The following TMEM217B variants were observed in gnomAD, a reference collection of about 807,000 sequenced individuals.
TMEM217B encodes the protein transmembrane protein 217B.
the TMEM217B span, chr6:37,215,362 G>A: frequency 1.3e-6 from 2 of 1,497,506 alleles, no homozygotes. Flanking sequence ...GGATCACGAG[G>A]TCAGGAGTTC....
At chr6:37,236,660 C>CT in the TMEM217B span, among the ~76,000 whole-genome samples, 1 of 32,186 alleles carries the variant, frequency 3.1e-5, no homozygotes, top group East Asian at 8.9e-4. Flanking sequence ...TGTGCCAGTA[C>CT]TATTTTTTTT....
At chr6:37,224,615 GA>G in the TMEM217B span, among the ~76,000 whole-genome samples, 2 of 149,450 alleles carry the variant, frequency 1.3e-5, no homozygotes, top group African/African-American at 2.5e-5. Flanking sequence ...ACAAACAAAC[GA>G]AAAAAAAACC....
the TMEM217B span, among the ~76,000 whole-genome samples, chr6:37,251,330 C>T: frequency 1.3e-5 from 2 of 152,186 alleles, no homozygotes; most frequent in Non-Finnish European, 2.9e-5. Flanking sequence ...TTTGTTATAG[C>T]AGCCTGAATG....
At chr6:37,231,288 T>C in the TMEM217B span, among the ~76,000 whole-genome samples, 1 of 147,032 alleles carries the variant, frequency 6.8e-6, no homozygotes, top group Non-Finnish European at 1.5e-5. Flanking sequence ...CAGGCTGGTC[T>C]TGAACTCCTG....
chr6:37,225,746 C>T, the TMEM217B span, among the ~76,000 whole-genome samples: 1 of 152,336 alleles, frequency 6.6e-6, no homozygotes, highest in East Asian at 1.9e-4. Flanking sequence ...ACATGGCCAC[C>T]CAGCTAATGA....
chr6:37,239,669 G>A, the TMEM217B span, among the ~76,000 whole-genome samples: 4 of 151,970 alleles, frequency 2.6e-5, no homozygotes, highest in African/African-American at 7.3e-5. Context: ...CTCTCATCAA[G>A]TTGACTTGTG....
chr6:37,257,717 C>T, the TMEM217B span: 3 of 565,166 alleles, frequency 5.3e-6, no homozygotes, highest in South Asian at 2.3e-5. Flanking sequence ...TTGGTCGGCC[C>T]GTCCACGGCT....
the TMEM217B span, among the ~76,000 whole-genome samples, chr6:37,242,179 C>T: frequency 6.6e-6 from 1 of 152,102 alleles, no homozygotes; most frequent in Non-Finnish European, 1.5e-5. Flanking sequence ...CTGCTCATAG[C>T]CCTGGAGACT....
chr6:37,246,396 T>C, the TMEM217B span, among the ~76,000 whole-genome samples: 1 of 152,168 alleles, frequency 6.6e-6, no homozygotes, highest in African/African-American at 2.4e-5. Flanking sequence ...AGTGCAGGCA[T>C]GGGAGTGGAA....
chr6:37,247,618 C>T, the TMEM217B span, among the ~76,000 whole-genome samples: 2 of 152,088 alleles, frequency 1.3e-5, no homozygotes, highest in African/African-American at 4.8e-5. Context: ...GATCTCCTGA[C>T]CTCGTGATTC....
the TMEM217B span, among the ~76,000 whole-genome samples, chr6:37,223,368 A>G: frequency 6.6e-6 from 1 of 152,234 alleles, no homozygotes; most frequent in Non-Finnish European, 1.5e-5. Context: ...AAAGCAGCCA[A>G]TGGGCTTTTT....
At chr6:37,246,842 G>A in the TMEM217B span, among the ~76,000 whole-genome samples, 5 of 151,826 alleles carry the variant, frequency 3.3e-5, no homozygotes, top group African/African-American at 7.3e-5. Flanking sequence ...GGTCAAGGCC[G>A]CAGTGAGCCA....
chr6:37,253,123 C>T, the TMEM217B span, among the ~76,000 whole-genome samples: 1 of 152,174 alleles, frequency 6.6e-6, no homozygotes, highest in African/African-American at 2.4e-5. Context: ...TCTACCTTTT[C>T]CCTGCTGTAC....
the TMEM217B span, among the ~76,000 whole-genome samples, chr6:37,216,824 G>T: frequency 1.3e-5 from 2 of 152,140 alleles, no homozygotes; most frequent in Non-Finnish European, 2.9e-5. Context: ...GGACAGGAGG[G>T]AACTAGCTAG....
the TMEM217B span, among the ~76,000 whole-genome samples, chr6:37,240,096 T>G: frequency 6.6e-6 from 1 of 152,156 alleles, no homozygotes; most frequent in Admixed American, 6.5e-5. Context: ...TTTAAAGCCT[T>G]TAAGTATGTG....
At chr6:37,257,866 C>G in the TMEM217B span, 1 of 1,593,290 alleles carries the variant, frequency 6.3e-7, no homozygotes, top group Non-Finnish European at 8.6e-7. Flanking sequence ...CTGGGGGCAT[C>G]TCGCCGGGCA....
chr6:37,248,148 T>C, the TMEM217B span, among the ~76,000 whole-genome samples: 1 of 152,152 alleles, frequency 6.6e-6, no homozygotes, highest in Admixed American at 6.5e-5. Context: ...CCACTCTGTG[T>C]CTTCTTAGGA....
chr6:37,240,816 A>C, the TMEM217B span, among the ~76,000 whole-genome samples: 3 of 152,328 alleles, frequency 2.0e-5, no homozygotes, highest in East Asian at 5.8e-4. Context: ...CTTCCATCAA[A>C]AATATATGTA....
the TMEM217B span, chr6:37,212,801 C>T: frequency 3.9e-6 from 3 of 761,568 alleles, no homozygotes; most frequent in Non-Finnish European, 4.6e-6. Context: ...CTGATATTAG[C>T]CCTGTGGAAC....
Sources: gnomAD v4.1 joint callset for allele counts (sites outside exome capture counted in the v4.1 genomes callset) on GRCh38, gnomAD v4.1.1 for gene constraint, MANE v1.5 for transcripts, NCBI Gene and HGNC (gene_info 2026-07-23, HGNC 2026-07-21) for gene names.